Variants in LONRF1 observed in about 807,000 individuals in gnomAD.
LONRF1 encodes the protein LON peptidase N-terminal domain and ring finger 1.
A neutral mutation model predicts 85.8 loss-of-function variants in LONRF1; 37 were observed. That is an observed-to-expected ratio of 0.43 (90% confidence interval 0.33 to 0.57). The LOEUF is 0.57. LONRF1 is among the 20% of genes least tolerant of loss of function. The pLI is 0.04. For missense variants in LONRF1, 1,036 were observed against 978.0 expected (o/e 1.06, Z -0.79); for synonymous variants, 517 against 390.1 (o/e 1.33, Z -3.83).
chr8:12,749,981 G>T (rs1799313553), intron 1 of LONRF1, among the ~76,000 whole-genome samples: 1 of 152,132 alleles, frequency 6.6e-6, no homozygotes, highest in South Asian at 2.1e-4. Flanking sequence ...ATAAAAATTT[G>T]CTGAATAGTA....
Position 12,731,808 on chromosome 8 carries a change from A to G in LONRF1, c.1616T>C (p.Ile539Thr). Reference sequence around the variant, plus strand: ...CAGTTCATCAGGCAGATACTTCACTATTAATTCTTCCAACAGCTGTGTGAC... The same window carrying G: ...CAGTTCATCAGGCAGATACTTCACTGTTAATTCTTCCAACAGCTGTGTGAC... ...YCVTQLLEEL[I>T]VKYLPDELSE... Residue 539 changes from isoleucine to threonine, a missense_variant, in exon 8 of 12, where the codon ATA becomes ACA. Coordinates refer to ENST00000398246, the MANE Select transcript of LONRF1 (RefSeq NM_152271.5). 1 of 1,612,744 alleles carries G rather than the reference A, an allele frequency of 6.2e-7. No homozygotes were observed. Among genetic ancestry groups the G allele is most frequent in the Non-Finnish European group, 8.5e-7 (1 of 1,178,894 alleles).
chr8:12,753,611 T>A (rs998884249), intron 1 of LONRF1: 2 of 152,220 alleles, frequency 1.3e-5, no homozygotes, highest in East Asian at 3.8e-4. Context: ...TCTCTCCAGA[T>A]ATTGTTCTAA....
At chr8:12,751,676 C>A (rs992905160) in intron 1 of LONRF1, among the ~76,000 whole-genome samples, 1 of 151,300 alleles carries the variant, frequency 6.6e-6, no homozygotes, top group African/African-American at 2.4e-5. Context: ...TATCACCCCC[C>A]CACCTTACAA....
rs1798544312 is a variant in LONRF1, at chr8:12,731,947, TTACA to T, written c.1567-94_1567-91del. On this transcript the variant is annotated intron_variant, in intron 7 of 11. Transcript: ENST00000398246. Reference sequence around the variant, plus strand: ...GTTAACTGATATATTAAAGCCTTTATTACATACTTATACCATCAATTCTGGATTA... The same window carrying T: ...GTTAACTGATATATTAAAGCCTTTATTACTTATACCATCAATTCTGGATTA... The T allele has an allele frequency of 2.5e-6, 3 of 1,188,874 alleles. No homozygotes were observed. In the East Asian group the frequency reaches 7.1e-5, roughly 28 times the overall value. The allele number at this position is 1,188,874 out of a possible 1,614,324, so 73.6% of individuals were successfully genotyped here. A position where few individuals can be genotyped will look rare whatever the true frequency, so the allele number is the denominator to read the frequency against.
chr8:12,743,680 A>G (rs898740487), intron 1 of LONRF1, among the ~76,000 whole-genome samples: 3 of 152,070 alleles, frequency 2.0e-5, no homozygotes, highest in Non-Finnish European at 4.4e-5. Flanking sequence ...CTAAATCTTC[A>G]TTTATAAAAA....
chr8:12,732,888 G>T (rs1798580666), intron 7 of LONRF1, among the ~76,000 whole-genome samples: 1 of 152,194 alleles, frequency 6.6e-6, no homozygotes, highest in African/African-American at 2.4e-5. Context: ...AACCTCCTGG[G>T]AAACTATCAC....
intron 7 of LONRF1, among the ~76,000 whole-genome samples, chr8:12,733,664 C>T (rs962864676): frequency 6.6e-6 from 1 of 151,946 alleles, no homozygotes; most frequent in African/African-American, 2.4e-5. Flanking sequence ...TTGGCAAAAG[C>T]ATAGTATATA....
chr8:12,749,651 A>C (rs1190442055), intron 1 of LONRF1, among the ~76,000 whole-genome samples: 1 of 152,188 alleles, frequency 6.6e-6, no homozygotes, highest in Non-Finnish European at 1.5e-5. Flanking sequence ...AAAACAAATT[A>C]TTCATTTGAA....
intron 10 of LONRF1, chr8:12,727,417 T>C (rs1249982475): frequency 1.3e-5 from 2 of 151,566 alleles, no homozygotes; most frequent in Non-Finnish European, 2.9e-5. Flanking sequence ...AAATTTGCCA[T>C]ATAAAACAAA....
intron 1 of LONRF1, among the ~76,000 whole-genome samples, chr8:12,749,129 C>A (rs549944142): frequency 2.3e-4 from 35 of 152,292 alleles, no homozygotes; most frequent in African/African-American, 8.4e-4. Context: ...CATGCTCCAT[C>A]TATAATAATT....
chr8:12,732,829 T>C (rs1798578234), intron 7 of LONRF1, among the ~76,000 whole-genome samples: 1 of 152,174 alleles, frequency 6.6e-6, no homozygotes, highest in South Asian at 2.1e-4. Context: ...CAGAACTTTG[T>C]ACAAAGAAAA....
chr8:12,748,225 T>C (rs2117334364), intron 1 of LONRF1, among the ~76,000 whole-genome samples: 1 of 152,292 alleles, frequency 6.6e-6, no homozygotes, highest in East Asian at 1.9e-4. Context: ...TGAGAAAAGA[T>C]CTAAGATCTC....
At position 12,723,081 on chromosome 8, in the gene LONRF1, G is replaced by T; in HGVS notation, c.*15C>A. Reference sequence around the variant, plus strand: ...CCAGATTAGGGTCACTTTAAAGGGAGATCCAAAGAGTTAGTTACTTAGATT... The same window carrying T: ...CCAGATTAGGGTCACTTTAAAGGGATATCCAAAGAGTTAGTTACTTAGATT... On this transcript the variant is annotated 3_prime_UTR_variant, in exon 12 of 12. Coordinates refer to ENST00000398246, the MANE Select transcript of LONRF1 (RefSeq NM_152271.5). The T allele has an allele frequency of 6.2e-7, 1 of 1,600,280 alleles. No homozygotes were observed. The highest frequency in any genetic ancestry group is 1.1e-5 in the South Asian group (1 of 88,654).
intron 10 of LONRF1, among the ~76,000 whole-genome samples, chr8:12,727,649 A>G (rs146195761): frequency 1.0e-3 from 159 of 152,296 alleles, no homozygotes; most frequent in African/African-American, 3.5e-3. Context: ...ATCAAATCCA[A>G]TAAGTGAAGA....
At chr8:12,734,194 T>G (rs957065937) in intron 7 of LONRF1, among the ~76,000 whole-genome samples, 7 of 152,154 alleles carry the variant, frequency 4.6e-5, no homozygotes, top group Non-Finnish European at 1.0e-4. Context: ...ACTAACAAAC[T>G]CTTTTAAGAA....
intron 1 of LONRF1, among the ~76,000 whole-genome samples, chr8:12,750,796 A>C (rs2117347992): frequency 6.6e-6 from 1 of 152,304 alleles, no homozygotes; most frequent in Non-Finnish European, 1.5e-5. Context: ...TGTAATTGTT[A>C]CTCTCTACCA....
chr8:12,750,759 G>A (rs969273013), intron 1 of LONRF1, among the ~76,000 whole-genome samples: 7 of 152,168 alleles, frequency 4.6e-5, no homozygotes, highest in African/African-American at 1.7e-4. Context: ...TAAACTGCTA[G>A]TTAACATGTG....
In LONRF1 at chr8:12,723,863, G is replaced by A. The variant is rs531528158; in HGVS notation, c.2164-609C>T. ...GAAGAAAAAGGCCCCAGCTTCCAAT[G>A]TTGTTCAAAAAAGAAACATATCTCC... On this transcript the variant is annotated intron_variant, in intron 11 of 11. Transcript: ENST00000398246. Among the ~76,000 whole-genome samples the A allele has an allele frequency of 2.0e-5, 3 of 152,262 alleles. No homozygotes were observed. In the East Asian group the frequency reaches 5.8e-4, roughly 29 times the overall value.
rs189289952 is a variant in LONRF1, at chr8:12,750,964, T to C, written c.721+3736A>G. ...CAGGCACTATTTAAAGCACTTAGCA[T>C]GTTTTGACTCATTTGATTCTCACAA... On this transcript the variant is annotated intron_variant, in intron 1 of 11. Coordinates refer to ENST00000398246, the MANE Select transcript of LONRF1 (RefSeq NM_152271.5). Among the ~76,000 whole-genome samples, 4 of 152,368 alleles carry C rather than the reference T, an allele frequency of 2.6e-5. No individual in the cohort carries two copies. The East Asian group carries it at 5.8e-4, about 22-fold the overall frequency.
Sources: allele counts gnomAD v4.1 joint callset (sites outside exome capture counted in the v4.1 genomes callset), GRCh38; gene constraint gnomAD v4.1.1; transcripts MANE v1.5; gene names NCBI Gene and HGNC (gene_info 2026-07-23, HGNC 2026-07-21).